Variants in SNX24 observed in about 807,000 individuals in gnomAD.
SNX24 encodes the protein sorting nexin-24.
SNX24 carries 22 observed loss-of-function variants against 28.7 expected under a neutral mutation model. That is an observed-to-expected ratio of 0.77 (90% confidence interval 0.55 to 1.10). The LOEUF is 1.10. SNX24 is among the 50% of genes least tolerant of loss of function. The pLI, the probability that SNX24 is intolerant of heterozygous loss-of-function variation, is 0.00. For synonymous variants in SNX24, 69 were observed against 71.5 expected (o/e 0.96, Z 0.18); for missense variants, 221 against 201.1 (o/e 1.10, Z -0.60).
chr5:122,959,230 C>A (rs991733428), intron 3 of SNX24, among the ~76,000 whole-genome samples: 7 of 149,452 alleles, frequency 4.7e-5, no homozygotes, highest in African/African-American at 1.7e-4. Flanking sequence ...TTTTGTGTTT[C>A]TTTCTAGAAT....
intron 1 of SNX24, among the ~76,000 whole-genome samples, chr5:122,913,932 A>G (rs1581740893): frequency 6.6e-6 from 1 of 152,102 alleles, no homozygotes; most frequent in East Asian, 1.9e-4. Flanking sequence ...ACACAGGGAA[A>G]CCCCGTCTCC....
At chr5:122,953,140 TGTC>T (rs1375621905) in intron 3 of SNX24, among the ~76,000 whole-genome samples, 1 of 151,564 alleles carries the variant, frequency 6.6e-6, no homozygotes, top group East Asian at 1.9e-4. Context: ...AGTCTTGCTC[TGTC>T]ACCCAGGCTG....
chr5:122,971,420 C>A (rs988690283), intron 3 of SNX24, among the ~76,000 whole-genome samples: 13 of 152,144 alleles, frequency 8.5e-5, no homozygotes, highest in Admixed American at 3.3e-4. Flanking sequence ...CATCCTTGAA[C>A]CCAGTCAAAT....
chr5:122,969,185 G>A (rs939671436), intron 3 of SNX24, among the ~76,000 whole-genome samples: 3 of 152,030 alleles, frequency 2.0e-5, no homozygotes, highest in Non-Finnish European at 4.4e-5. Context: ...TACATAAGGT[G>A]CTCTGTTTTC....
intron 5 of SNX24, among the ~76,000 whole-genome samples, chr5:123,020,245 GTTTTCT>G (rs1236515426): frequency 6.6e-6 from 1 of 152,076 alleles, no homozygotes; most frequent in Non-Finnish European, 1.5e-5. Context: ...AAAGAGAATT[GTTTTCT>G]TTTTCTGATT....
chr5:122,922,461 C>A (rs1290263247), intron 1 of SNX24, among the ~76,000 whole-genome samples: 1 of 152,018 alleles, frequency 6.6e-6, no homozygotes, highest in Non-Finnish European at 1.5e-5. Flanking sequence ...CCATGTTGGC[C>A]ACGCTGGTCT....
intron 1 of SNX24, among the ~76,000 whole-genome samples, chr5:122,883,773 C>T (rs537522927): frequency 3.2e-4 from 49 of 152,086 alleles, no homozygotes; most frequent in African/African-American, 8.9e-4. Context: ...CCTTACCCTC[C>T]GGAATAGCTG....
At chr5:122,902,494 T>C (rs531692997) in intron 1 of SNX24, among the ~76,000 whole-genome samples, 67 of 152,296 alleles carry the variant, frequency 4.4e-4, no homozygotes, top group African/African-American at 1.3e-3. Flanking sequence ...GCAGTTTATA[T>C]AGCATTTCCA....
In SNX24 at chr5:122,873,675, T is replaced by A. The variant is rs144593144; in HGVS notation, c.60+27982T>A. ...TGAAGGCCTGAATTTTACCAGGCAC[T>A]GTACTGAGCCCTGGAGGTGCCATCA... On this transcript the variant is annotated intron_variant, in intron 1 of 6. Transcript: ENST00000261369. Among the ~76,000 whole-genome samples the A allele has an allele frequency of 3.6e-3, 546 of 152,224 alleles. 5 individuals are homozygous for A. The highest frequency in any genetic ancestry group is 0.013 in the African/African-American group (523 of 41,536).
chr5:122,961,614 C>A (rs528379640), intron 3 of SNX24, among the ~76,000 whole-genome samples: 1 of 152,184 alleles, frequency 6.6e-6, no homozygotes, highest in Admixed American at 6.5e-5. Flanking sequence ...ATTATTTTTA[C>A]TGATTTTATC....
At chr5:122,931,105 A>G (rs1390066230) in intron 1 of SNX24, among the ~76,000 whole-genome samples, 1 of 152,168 alleles carries the variant, frequency 6.6e-6, no homozygotes, top group Non-Finnish European at 1.5e-5. Context: ...TTTCTTAAAA[A>G]CTTTTTAAAA....
chr5:122,963,050 A>T (rs1046148800), intron 3 of SNX24, among the ~76,000 whole-genome samples: 1 of 152,168 alleles, frequency 6.6e-6, no homozygotes, highest in Non-Finnish European at 1.5e-5. Flanking sequence ...CCTGGCCAAC[A>T]TAGTGAAACC....
intron 1 of SNX24, among the ~76,000 whole-genome samples, chr5:122,852,882 C>T (rs1754986390): frequency 6.6e-6 from 1 of 152,052 alleles, no homozygotes; most frequent in South Asian, 2.1e-4. Flanking sequence ...CCATTCCTGT[C>T]ACCAAACCCC....
At chr5:122,953,385 A>C (rs1760052143) in intron 3 of SNX24, among the ~76,000 whole-genome samples, 1 of 152,214 alleles carries the variant, frequency 6.6e-6, no homozygotes, top group African/African-American at 2.4e-5. Flanking sequence ...GATTACAGGC[A>C]TGAGCTACTT....
At chr5:122,931,843 CT>C (rs977645471) in intron 1 of SNX24, among the ~76,000 whole-genome samples, 75 of 146,348 alleles carry the variant, frequency 5.1e-4, no homozygotes, top group Admixed American at 5.5e-4. Flanking sequence ...TTCTTTTTCT[CT>C]TTTTTTTTTG....
intron 1 of SNX24, among the ~76,000 whole-genome samples, chr5:122,876,103 C>G (rs537576398): frequency 6.6e-6 from 1 of 152,198 alleles, no homozygotes; most frequent in African/African-American, 2.4e-5. Flanking sequence ...CCTTGGCCTC[C>G]CAAAGTGCTA....
At chr5:122,899,903 C>G (rs1757358945) in intron 1 of SNX24, among the ~76,000 whole-genome samples, 1 of 152,160 alleles carries the variant, frequency 6.6e-6, no homozygotes, top group Non-Finnish European at 1.5e-5. Flanking sequence ...GTGGAAAACC[C>G]AAGGACTTTA....
At chr5:122,896,760 A>C (rs1450181350) in intron 1 of SNX24, among the ~76,000 whole-genome samples, 1 of 152,252 alleles carries the variant, frequency 6.6e-6, no homozygotes, top group Non-Finnish European at 1.5e-5. Flanking sequence ...GCTTATTTAT[A>C]ATAGGCCACA....
intron 1 of SNX24, among the ~76,000 whole-genome samples, chr5:122,867,623 T>A (rs1047316369): frequency 6.6e-6 from 1 of 152,180 alleles, no homozygotes; most frequent in Non-Finnish European, 1.5e-5. Flanking sequence ...ATGGCTACTT[T>A]ATGAGCCCAT....
Sources: gnomAD v4.1 joint callset for allele counts (sites outside exome capture counted in the v4.1 genomes callset) on GRCh38, gnomAD v4.1.1 for gene constraint, MANE v1.5 for transcripts, NCBI Gene and HGNC (gene_info 2026-07-23, HGNC 2026-07-21) for gene names.